Variants in NDST1 observed in about 807,000 individuals in gnomAD.
NDST1 encodes the protein N-deacetylase and N-sulfotransferase 1.
Under a neutral mutation model 92.8 loss-of-function variants are expected in NDST1, and 35 were observed. The ratio of observed to expected loss-of-function variants is 0.38; its 90% CI spans 0.29 to 0.50. The LOEUF is 0.50. NDST1 is among the 20% of genes least tolerant of loss of function. The pLI, the probability that NDST1 is intolerant of heterozygous loss-of-function variation, is 0.94. For missense variants in NDST1, 822 were observed against 1,182.7 expected, an observed-to-expected ratio of 0.69 and a Z score of 4.47; for synonymous variants, 493 against 500.3, an observed-to-expected ratio of 0.99 and a Z score of 0.19.
At position 150,543,207 on chromosome 5, in the gene NDST1, A is replaced by G. The variant is rs559399579; in HGVS notation, c.1970+236A>G. On this transcript the variant is annotated intron_variant, in intron 10 of 14. Transcript: ENST00000261797. ...CTCTACCGCCTGTAGTCAGACGCTG[A>G]GGTCGAAGTCCACCCCTCCCTTGCT... Among the ~76,000 whole-genome samples the G allele has an allele frequency of 2.0e-5, 3 of 152,220 alleles. No homozygotes were observed. The South Asian group carries it at 6.2e-4, about 32-fold the overall frequency.
chr5:150,502,802 G>C (rs1336428880), intron 1 of NDST1, among the ~76,000 whole-genome samples: 1 of 151,504 alleles, frequency 6.6e-6, no homozygotes, highest in Non-Finnish European at 1.5e-5. Context: ...TCTGGGGTAG[G>C]CAAGGTTGGG....
At chr5:150,511,231 G>A (rs968705866) in intron 1 of NDST1, among the ~76,000 whole-genome samples, 3 of 152,182 alleles carry the variant, frequency 2.0e-5, no homozygotes, top group African/African-American at 2.4e-5. Context: ...GAGATGCCGC[G>A]TAGCAGATTC....
intron 6 of NDST1, among the ~76,000 whole-genome samples, chr5:150,537,932 CG>C (rs1412904025): frequency 6.6e-6 from 1 of 152,160 alleles, no homozygotes; most frequent in Non-Finnish European, 1.5e-5. Flanking sequence ...TGCTGAATAT[CG>C]GGGGTTGGTT....
rs919823527 is a variant in NDST1 at position 150,558,118 on chromosome 5, G to A, written c.*4786G>A. On this transcript the variant is annotated 3_prime_UTR_variant, in exon 15 of 15. Transcript: ENST00000261797. Reference sequence around the variant, plus strand: ...TCCAGTTCGCCTGATGAGGGCTCTCGAACCAGCCGTTTTGGGTTGTGTTAA... The same window carrying A: ...TCCAGTTCGCCTGATGAGGGCTCTCAAACCAGCCGTTTTGGGTTGTGTTAA... The A allele has an allele frequency of 1.6e-4, 25 of 152,510 alleles. No individual in the cohort carries two copies. Among genetic ancestry groups the A allele is most frequent in the Non-Finnish European group, 4.4e-5 (3 of 68,028 alleles). 9.4% of individuals were successfully genotyped at this position (152,510 alleles called of 1,614,324 possible).
intron 6 of NDST1, among the ~76,000 whole-genome samples, chr5:150,538,851 GACA>G (rs1308507197): frequency 1.3e-5 from 2 of 152,342 alleles, no homozygotes; most frequent in South Asian, 4.1e-4. Flanking sequence ...GCCAGTGTGT[GACA>G]ACGAGTGTCA....
At chr5:150,541,504 T>G in intron 8 of NDST1, 66 bp from the exon 9 acceptor site, 2 of 1,362,446 alleles carry the variant, frequency 1.5e-6, no homozygotes, top group South Asian at 2.3e-5. Context: ...CACATATCCA[T>G]GTGCAGTGGG....
chr5:150,499,732 C>A (rs533940993), intron 1 of NDST1, among the ~76,000 whole-genome samples: 1 of 152,210 alleles, frequency 6.6e-6, no homozygotes, highest in Non-Finnish European at 1.5e-5. Context: ...CTGACCCAGG[C>A]GGCTTCTTAA....
intron 1 of NDST1, among the ~76,000 whole-genome samples, chr5:150,499,593 T>C (rs778614675): frequency 7.9e-5 from 12 of 152,218 alleles, no homozygotes; most frequent in Non-Finnish European, 1.6e-4. Flanking sequence ...AAGTGCTTCC[T>C]GTGTGAAAGC....
intron 8 of NDST1, among the ~76,000 whole-genome samples, chr5:150,541,246 C>A (rs545241081): frequency 7.2e-5 from 11 of 152,312 alleles, no homozygotes; most frequent in African/African-American, 2.6e-4. Flanking sequence ...TAAACACTTA[C>A]CAAAAGATTA....
chr5:150,506,384 T>A (rs1193019148), upstream of NDST1, among the ~76,000 whole-genome samples: 2 of 152,122 alleles, frequency 1.3e-5, no homozygotes, highest in Admixed American at 6.5e-5. Flanking sequence ...TCCCAAAGTG[T>A]TGGGATGACA....
chr5:150,525,871 C>CA (rs2151275672), intron 2 of NDST1, among the ~76,000 whole-genome samples: 1 of 152,324 alleles, frequency 6.6e-6, no homozygotes, highest in South Asian at 2.1e-4. Context: ...CTGCCCCACT[C>CA]ACTCTCCAGG....
intron 3 of NDST1, among the ~76,000 whole-genome samples, chr5:150,529,707 C>T (rs145073569): frequency 2.6e-5 from 4 of 152,342 alleles, no homozygotes; most frequent in Non-Finnish European, 4.4e-5. Flanking sequence ...CTGCTGACAG[C>T]CTGTCCTCTC....
At chr5:150,541,028 G>C (rs774009076) in intron 8 of NDST1, among the ~76,000 whole-genome samples, 5 of 152,188 alleles carry the variant, frequency 3.3e-5, no homozygotes, top group Non-Finnish European at 5.9e-5. Flanking sequence ...AGCTGGAATT[G>C]GTGACAGTCT....
intron 1 of NDST1, among the ~76,000 whole-genome samples, chr5:150,516,307 C>G (rs1448576375): frequency 6.6e-6 from 1 of 152,164 alleles, no homozygotes; most frequent in Non-Finnish European, 1.5e-5. Context: ...GAAAGTGCTT[C>G]GTGAGCTAAG....
Position 150,548,379 on chromosome 5 carries a change from C to T in NDST1, c.2307C>T (p.His769=), listed in dbSNP as rs768728267. The T allele has an allele frequency of 8.7e-6, 14 of 1,611,746 alleles. No individual in the cohort carries two copies. The highest frequency in any genetic ancestry group is 4.0e-5 in the African/African-American group (3 of 74,916). ...TCGAGCGCTGGCTCAGTGCCTATCA[C>T]GCCAACCAGGTAGCTGCTGTCCCTG... ...THIERWLSAY[H]ANQILVLDGK... Residue 769 remains histidine, a synonymous_variant, in exon 12 of 15, where the codon CAC becomes CAT. Transcript: ENST00000261797.
At chr5:150,509,398 C>T (rs543297286) in intron 1 of NDST1, among the ~76,000 whole-genome samples, 14 of 152,238 alleles carry the variant, frequency 9.2e-5, no homozygotes, top group Non-Finnish European at 1.9e-4. Flanking sequence ...CATGCCAGGC[C>T]GTGAGGCGAG....
chr5:150,510,954 C>G (rs1447522269), intron 1 of NDST1, among the ~76,000 whole-genome samples: 1 of 152,222 alleles, frequency 6.6e-6, no homozygotes, highest in Non-Finnish European at 1.5e-5. Flanking sequence ...TGTTAGCTGT[C>G]TTAGGTGATC....
chr5:150,515,964 A>T (rs1259471568), intron 1 of NDST1, among the ~76,000 whole-genome samples: 1 of 65,270 alleles, frequency 1.5e-5, no homozygotes, highest in African/African-American at 5.6e-5. Flanking sequence ...GCTTCCCCCC[A>T]CCCACCCCCA....
intron 1 of NDST1, among the ~76,000 whole-genome samples, chr5:150,508,871 T>C (rs1341180837): frequency 1.3e-5 from 2 of 152,150 alleles, no homozygotes; most frequent in African/African-American, 4.8e-5. Context: ...GTCACAGACT[T>C]CTCCTCTAGT....
Sources: allele counts gnomAD v4.1 joint callset (sites outside exome capture counted in the v4.1 genomes callset), GRCh38; gene constraint gnomAD v4.1.1; transcripts MANE v1.5; gene names NCBI Gene and HGNC (gene_info 2026-07-23, HGNC 2026-07-21).